The following CDK5RAP3 variants were observed in gnomAD, a reference collection of about 807,000 sequenced individuals.
CDK5RAP3 encodes CDK5 regulatory subunit associated protein 3.
In CDK5RAP3, 58 loss-of-function variants were observed where a neutral mutation model predicts 73.3. The observed-to-expected ratio is 0.79, with a 90% CI of 0.64 to 0.98. The LOEUF (loss-of-function observed/expected upper bound fraction) is 0.98. Among genes scored for constraint, CDK5RAP3 ranks in the 50% least tolerant of loss-of-function variants. The pLI is 0.00. For missense variants in CDK5RAP3, 525 were observed against 615.8 expected, an observed-to-expected ratio of 0.85 and a Z score of 1.56; for synonymous variants, 224 against 247.5, an observed-to-expected ratio of 0.91 and a Z score of 0.89.
At chr17:47,974,127 C>T (rs1197126871) in intron 4 of CDK5RAP3, 96 bp downstream of exon 4, 1 of 849,384 alleles carries the variant, frequency 1.2e-6, no homozygotes, top group Non-Finnish European at 2.0e-6. Flanking sequence ...AGTGGGGATG[C>T]CTACATAGAA....
chr17:47,974,232 C>T, intron 4 of CDK5RAP3, 168 bp from the exon 5 acceptor site: 1 of 741,948 alleles, frequency 1.3e-6, no homozygotes, highest in African/African-American at 1.7e-5. Context: ...TAGGGATTGC[C>T]TGCACTCTTA....
chr17:47,969,429 C>T (rs1333288969), upstream of CDK5RAP3, among the ~76,000 whole-genome samples: 1 of 151,602 alleles, frequency 6.6e-6, no homozygotes, highest in Admixed American at 6.6e-5. Context: ...TGGTGGCGGG[C>T]GCCTGTAGTC....
intron 3 of CDK5RAP3, 92 bp from the exon 4 acceptor site, chr17:47,973,839 G>A (rs2036326108): frequency 7.6e-6 from 9 of 1,188,268 alleles, no homozygotes; most frequent in Non-Finnish European, 1.1e-5. Flanking sequence ...AAAGTTACTG[G>A]CAGTATATTA....
Position 47,971,143 on chromosome 17 carries a change from A to G in CDK5RAP3, c.-4A>G, listed in dbSNP as rs1367758002. 1.3e-6 allele frequency: 2 copies of G among 1,550,378 alleles called. No individual in the cohort carries two copies. The highest frequency in any genetic ancestry group is 2.7e-5 in the African/African-American group (2 of 73,060). ...CTCCAGCCTGAAGCGGAAGTGGAGG[A>G]AAGATGGAGGTGTGGGGACAGGAGC... On this transcript the variant is annotated 5_prime_UTR_variant, in exon 1 of 14. Transcript: ENST00000338399.
At chr17:47,971,216 C>T (rs2036253755) in intron 1 of CDK5RAP3, 64 bp downstream of exon 1, 3 of 1,526,484 alleles carry the variant, frequency 2.0e-6, no homozygotes, top group East Asian at 2.5e-5. Context: ...TGTCTCCGGT[C>T]TCCCTCCGGA....
chr17:47,978,003 C>A, intron 10 of CDK5RAP3, 93 bp downstream of exon 10: 4 of 855,936 alleles, frequency 4.7e-6, no homozygotes, highest in Admixed American at 2.4e-5. Flanking sequence ...TAAGATGAGG[C>A]TTCTTGCACA....
chr17:47,973,886 G>A lies in CDK5RAP3; in HGVS notation c.185-45G>A, dbSNP rs2036327939. Reference sequence around the variant, plus strand: ...GCCACCTGCAGTGCCCAGAGTAGGTGAAGAAGATACTTTAGTTCTCGAAAT... The same window carrying A: ...GCCACCTGCAGTGCCCAGAGTAGGTAAAGAAGATACTTTAGTTCTCGAAAT... On this transcript the variant is annotated intron_variant, in intron 3 of 13. Transcript: ENST00000338399. 3 of 1,475,396 alleles carry A rather than the reference G, an allele frequency of 2.0e-6. No individual in the cohort carries two copies. In the South Asian group the frequency reaches 3.4e-5, roughly 17 times the overall value. 91.4% of individuals were successfully genotyped at this position (1,475,396 alleles called of 1,614,324 possible). A position where few individuals can be genotyped will look rare whatever the true frequency, so the allele number is the denominator to read the frequency against.
At chr17:47,979,113 T>C in intron 11 of CDK5RAP3, 196 bp downstream of exon 11, 1 of 565,300 alleles carries the variant, frequency 1.8e-6, no homozygotes, top group Admixed American at 3.1e-5. Flanking sequence ...CACCTGGCAC[T>C]ACCTTAGGCA....
chr17:47,969,295 G>A (rs894361311), upstream of CDK5RAP3, among the ~76,000 whole-genome samples: 1 of 151,950 alleles, frequency 6.6e-6, no homozygotes, highest in Non-Finnish European at 1.5e-5. Context: ...GGTGGCTCAC[G>A]CCTGTAATCC....
chr17:47,972,929 A>C (rs1567722680), intron 2 of CDK5RAP3, among the ~76,000 whole-genome samples: 1 of 152,306 alleles, frequency 6.6e-6, no homozygotes, highest in East Asian at 1.9e-4. Context: ...CACTGAGGAA[A>C]TATGCATGGC....
Position 47,971,394 on chromosome 17 carries a change from C to T in CDK5RAP3, c.39C>T (p.Thr13=). Residue 13 remains threonine, a synonymous_variant, in exon 2 of 14, where the codon ACC becomes ACT. Coordinates refer to ENST00000338399, the MANE Select transcript of CDK5RAP3 (RefSeq NM_176096.3). ...AGCACGTGCCCATCGACATCCAGAC[C>T]AGCAAGCTGCTCGGTAGGAGGGGGC... ...DHQHVPIDIQ[T]SKLLDWLVDR... 6.2e-7 allele frequency: 1 copy of T among 1,608,546 alleles called. No homozygotes were observed. The highest frequency in any genetic ancestry group is 1.1e-5 in the South Asian group (1 of 89,864).
chr17:47,971,480 G>T, intron 2 of CDK5RAP3, 73 bp downstream of exon 2: 3 of 1,418,586 alleles, frequency 2.1e-6, no homozygotes, highest in Non-Finnish European at 2.8e-6. Context: ...TCCAATAGCC[G>T]GGAGCTCTGA....
Position 47,981,527 on chromosome 17 carries a change from A to G in CDK5RAP3, c.*25A>G, listed in dbSNP as rs774309305. On this transcript the variant is annotated 3_prime_UTR_variant, in exon 14 of 14. Transcript: ENST00000338399. ...ACACCCTCCGTGTTCTTGCCTGCCC[A>G]TCTTCTCCGCTTTTGGGATGAAGAT... 4 of 1,614,070 alleles carry G rather than the reference A, an allele frequency of 2.5e-6. No homozygotes were observed. The highest frequency in any genetic ancestry group is 1.3e-5 in the African/African-American group (1 of 74,938).
In CDK5RAP3 at chr17:47,976,837, T is replaced by C; in HGVS notation, c.909+15T>C. The stretch of plus-strand genomic sequence containing the variant: ...CAGATTCAAAGGTGAGGAGGCCTTC[T>C]CAGTCTGTCTCTCTCTGATCACTAC... On this transcript the variant is annotated intron_variant, in intron 9 of 13. Coordinates refer to ENST00000338399, the MANE Select transcript of CDK5RAP3 (RefSeq NM_176096.3). 1.3e-6 allele frequency: 2 copies of C among 1,489,512 alleles called. No individual in the cohort carries two copies. Among genetic ancestry groups the C allele is most frequent in the Admixed American group, 1.8e-5 (1 of 56,702 alleles). 92.3% of individuals were successfully genotyped at this position (1,489,512 alleles called of 1,614,324 possible).
chr17:47,971,084 A>G, upstream of CDK5RAP3: 1 of 1,551,344 alleles, frequency 6.4e-7, no homozygotes, highest in Middle Eastern at 1.7e-4. Context: ...CCACAACGCC[A>G]CTGGATTGGT....
chr17:47,975,156 C>A lies in CDK5RAP3; in HGVS notation c.335-3C>A. The A allele has an allele frequency of 6.2e-7, 1 of 1,614,116 alleles. No individual in the cohort carries two copies. The highest frequency in any genetic ancestry group is 1.1e-5 in the South Asian group (1 of 91,050). ...TGGGCTGAATTTCCTGGGCACTTCT[C>A]AGTGGAACTCTCTAGCCTCCTGGTT... is the stretch of plus-strand genomic sequence containing the variant. On this transcript the variant is annotated splice_polypyrimidine_tract_variant and splice_region_variant and intron_variant, in intron 5 of 13. Coordinates refer to ENST00000338399, the MANE Select transcript of CDK5RAP3 (RefSeq NM_176096.3).
At chr17:47,972,477 G>A (rs1203052837) in intron 2 of CDK5RAP3, among the ~76,000 whole-genome samples, 1 of 152,134 alleles carries the variant, frequency 6.6e-6, no homozygotes, top group Non-Finnish European at 1.5e-5. Flanking sequence ...GCGTTTGACC[G>A]GTTGGCAGAG....
At chr17:47,972,184 C>A (rs1445220387) in intron 2 of CDK5RAP3, among the ~76,000 whole-genome samples, 1 of 152,040 alleles carries the variant, frequency 6.6e-6, no homozygotes, top group Non-Finnish European at 1.5e-5. Context: ...AAATGAAAAC[C>A]TTTTAGTGTC....
intron 8 of CDK5RAP3, 122 bp from the exon 9 acceptor site, chr17:47,976,590 C>G (rs746917085): frequency 4.6e-5 from 31 of 667,672 alleles, no homozygotes; most frequent in Non-Finnish European, 7.5e-5. Context: ...TCTCAAACTC[C>G]TGGGCTCAAG....
Sources: allele counts gnomAD v4.1 joint callset (sites outside exome capture counted in the v4.1 genomes callset), GRCh38; gene constraint gnomAD v4.1.1; transcripts MANE v1.5; gene names NCBI Gene and HGNC (gene_info 2026-07-23, HGNC 2026-07-21).